ADGRG6: variants seen among roughly 807,000 people sequenced by gnomAD.
The protein encoded by ADGRG6 is adhesion G protein-coupled receptor G6.
In ADGRG6, 84 loss-of-function variants were observed where a neutral mutation model predicts 142.4. The ratio of observed to expected loss-of-function variants is 0.59; its 90% CI spans 0.49 to 0.71. The LOEUF is 0.71. ADGRG6 is among the 30% of genes least tolerant of loss of function. The pLI is 0.00. For synonymous variants in ADGRG6, 521 were observed against 520.5 expected (o/e 1.00, Z -0.01); for missense variants, 1,367 against 1,466.6 (o/e 0.93, Z 1.11).
intron 19 of ADGRG6, 44 bp downstream of exon 19, chr6:142,415,140 A>G (rs550753023): frequency 2.5e-4 from 379 of 1,530,566 alleles, no homozygotes; most frequent in South Asian, 1.9e-3. Context: ...TAACTGTTCC[A>G]AATGTGAATA....
At chr6:142,410,789 C>A (rs1776043245) in intron 17 of ADGRG6, among the ~76,000 whole-genome samples, 1 of 151,950 alleles carries the variant, frequency 6.6e-6, no homozygotes, top group Non-Finnish European at 1.5e-5. Flanking sequence ...TGACAATATG[C>A]ATTGCTCATA....
At chr6:142,356,302 A>T (rs1173955162) in intron 2 of ADGRG6, among the ~76,000 whole-genome samples, 1 of 152,188 alleles carries the variant, frequency 6.6e-6, no homozygotes, top group Non-Finnish European at 1.5e-5. Context: ...CTTGCTCTAT[A>T]ATTCTAAGCC....
At position 142,400,532 on chromosome 6, in the gene ADGRG6, A is replaced by C. The variant is rs1461572120; in HGVS notation, c.1615A>C (p.Ile539Leu). 3.1e-6 allele frequency: 5 copies of C among 1,607,156 alleles called. No homozygotes were observed. In the South Asian group the frequency reaches 3.3e-5, roughly 11 times the overall value. Residue 539 changes from isoleucine to leucine, a missense_variant, in exon 11 of 25, where the codon ATC (isoleucine) becomes CTC (leucine). Transcript: ENST00000367609. ...ACCCAAAGGCTACTACTGGCCATCT[A>C]TCCAACCTTCTGAATACGTTCTTCC... ...EEPKGYYWPSIQPSEYVLPCP... is the reference protein window; with the variant it reads ...EEPKGYYWPSLQPSEYVLPCP...
At chr6:142,359,457 C>G (rs1331677282) in intron 2 of ADGRG6, among the ~76,000 whole-genome samples, 2 of 152,152 alleles carry the variant, frequency 1.3e-5, no homozygotes, top group Non-Finnish European at 2.9e-5. Context: ...CTTGTACCTG[C>G]TGACCTCACT....
At chr6:142,371,657 T>G (rs2114875981) in intron 4 of ADGRG6, among the ~76,000 whole-genome samples, 1 of 151,866 alleles carries the variant, frequency 6.6e-6, no homozygotes. Flanking sequence ...GGCTAATTTT[T>G]TGTGTTTTTA....
chr6:142,433,943 A>C (rs1777349682), intron 22 of ADGRG6, among the ~76,000 whole-genome samples: 1 of 152,072 alleles, frequency 6.6e-6, no homozygotes, highest in Admixed American at 6.6e-5. Context: ...AGGCAACATA[A>C]GAAGCTGAGG....
At chr6:142,359,376 T>G (rs1780609369) in intron 2 of ADGRG6, among the ~76,000 whole-genome samples, 1 of 152,086 alleles carries the variant, frequency 6.6e-6, no homozygotes, top group African/African-American at 2.4e-5. Flanking sequence ...CTTTATCTCT[T>G]ATTTCTCCCC....
intron 2 of ADGRG6, among the ~76,000 whole-genome samples, chr6:142,345,539 T>G (rs1036096566): frequency 6.6e-6 from 1 of 152,108 alleles, no homozygotes; most frequent in East Asian, 1.9e-4. Flanking sequence ...AATACATGAA[T>G]TTTTAGTGGG....
At chr6:142,390,905 C>T (rs921662403) in intron 7 of ADGRG6, among the ~76,000 whole-genome samples, 1 of 151,764 alleles carries the variant, frequency 6.6e-6, no homozygotes, top group Non-Finnish European at 1.5e-5. Context: ...GTATACTTTA[C>T]ATACCGTTCT....
intron 7 of ADGRG6, among the ~76,000 whole-genome samples, chr6:142,391,173 C>G (rs1164644620): frequency 1.3e-5 from 2 of 151,288 alleles, no homozygotes; most frequent in East Asian, 3.9e-4. Flanking sequence ...TGGATTTTTT[C>G]ATTTTCTTCT....
At position 142,370,564 on chromosome 6, in the gene ADGRG6, C is replaced by G. The variant is rs1411497277; in HGVS notation, c.840C>G (p.Thr280=). Reference sequence around the variant, plus strand: ...ATGAAACAGTTCCATGTGATTCTACCATTAGTAAAGTTATTCCTGGGAATG... The same window carrying G: ...ATGAAACAGTTCCATGTGATTCTACGATTAGTAAAGTTATTCCTGGGAATG... ...RNYETVPCDS[T]ISKVIPGNGK... Residue 280 remains threonine (T), a synonymous_variant, in exon 4 of 25, where the codon ACC becomes ACG. Transcript: ENST00000367609. 3 of 1,612,596 alleles carry G rather than the reference C, an allele frequency of 1.9e-6. No homozygotes were observed. The highest frequency in any genetic ancestry group is 1.7e-4 in the Middle Eastern group (1 of 6,056).
In ADGRG6 at chr6:142,417,287, G is replaced by A; in HGVS notation, c.2953G>A (p.Val985Met). 1 of 1,595,524 alleles carries A rather than the reference G, an allele frequency of 6.3e-7. No homozygotes were observed. Among genetic ancestry groups the A allele is most frequent in the Non-Finnish European group, 8.6e-7 (1 of 1,164,752 alleles). ...CIIGWGLPALVVSVVLASRNN... is the reference protein window; with the variant it reads ...CIIGWGLPALMVSVVLASRNN... Reference sequence around the variant, plus strand: ...TTTTGTAACAGGTTTGCCTGCCTTAGTGGTGTCAGTTGTTCTAGCGAGCAG... The same window carrying A: ...TTTTGTAACAGGTTTGCCTGCCTTAATGGTGTCAGTTGTTCTAGCGAGCAG... Residue 985 changes from valine (V) to methionine (M), a missense_variant, in exon 21 of 25, where the codon GTG becomes ATG. Physicochemically the swap from Val to Met is conservative, Grantham distance 21. Around this residue, in one of 3 missense-constraint regions of ADGRG6, gnomAD observed 344 missense variants for 348.7 expected, o/e 0.99. Coordinates refer to ENST00000367609, the MANE Select transcript of ADGRG6 (RefSeq NM_198569.3).
At chr6:142,341,319 G>A (rs1264952988) in intron 2 of ADGRG6, among the ~76,000 whole-genome samples, 1 of 140,832 alleles carries the variant, frequency 7.1e-6, no homozygotes, top group Non-Finnish European at 1.5e-5. Flanking sequence ...GTTCACTTGG[G>A]TTATTAGTAA....
At chr6:142,330,962 T>C (rs929839623) in intron 2 of ADGRG6, among the ~76,000 whole-genome samples, 1 of 152,110 alleles carries the variant, frequency 6.6e-6, no homozygotes, top group Admixed American at 6.6e-5. Flanking sequence ...AAGCTTCATT[T>C]ATATAACTGG....
At chr6:142,360,791 G>A (rs1006897538) in intron 2 of ADGRG6, among the ~76,000 whole-genome samples, 1 of 152,100 alleles carries the variant, frequency 6.6e-6, no homozygotes, top group African/African-American at 2.4e-5. Flanking sequence ...CTGAGTAGCT[G>A]GGATTACAGG....
chr6:142,326,178 A>G (rs1778767784), intron 2 of ADGRG6, among the ~76,000 whole-genome samples: 1 of 151,992 alleles, frequency 6.6e-6, no homozygotes. Context: ...TTTTTTCCAA[A>G]TATGTCTTCA....
chr6:142,338,976 A>T (rs539446040), intron 2 of ADGRG6, among the ~76,000 whole-genome samples: 13 of 152,284 alleles, frequency 8.5e-5, no homozygotes, highest in African/African-American at 2.6e-4. Flanking sequence ...ATTTTATTGG[A>T]TGTGATTATG....
chr6:142,344,616 A>C (rs184028853), intron 2 of ADGRG6, among the ~76,000 whole-genome samples: 1 of 152,062 alleles, frequency 6.6e-6, no homozygotes, highest in African/African-American at 2.4e-5. Flanking sequence ...TTTCTTAAGA[A>C]ATCTGATATC....
At chr6:142,337,999 TTTATGCCTTGTATC>T (rs149053322) in intron 2 of ADGRG6, among the ~76,000 whole-genome samples, 1 of 133,208 alleles carries the variant, frequency 7.5e-6, no homozygotes. Context: ...CTAAATCCTT[TTTATGCCTTGTATC>T]TTTGTTTTTT....
Sources: gnomAD v4.1 joint callset for allele counts (sites outside exome capture counted in the v4.1 genomes callset) on GRCh38, gnomAD v4.1.1 for gene constraint, gnomAD v4.1.1 regional missense constraint, MANE v1.5 for transcripts, NCBI Gene and HGNC (gene_info 2026-07-23, HGNC 2026-07-21) for gene names.